NRG1: variants seen among roughly 807,000 people sequenced by gnomAD.
NRG1 encodes the protein neuregulin 1, also known as pro-neuregulin-1, membrane-bound isoform.
In NRG1, 18 loss-of-function variants were observed where a neutral mutation model predicts 63.8. That is an observed-to-expected ratio of 0.28 (90% CI 0.19 to 0.42). The LOEUF (loss-of-function observed/expected upper bound fraction) is 0.42, where lower values mean the gene tolerates loss of function less well. Ranked by LOEUF, NRG1 falls within the 10% of genes least tolerant of loss-of-function variation. NRG1 has a pLI of 1.00. For synonymous variants in NRG1, 302 were observed against 301.3 expected (o/e 1.00, Z -0.02); for missense variants, 762 against 814.7 (o/e 0.94, Z 0.79).
intron 1 of NRG1, among the ~76,000 whole-genome samples, chr8:31,865,466 G>A (rs1042982349): frequency 3.9e-5 from 6 of 152,058 alleles, no homozygotes; most frequent in African/African-American, 1.4e-4. Flanking sequence ...TCCCACCCAA[G>A]TCTCATCTTG....
chr8:31,920,481 G>A (rs944129745), intron 1 of NRG1, among the ~76,000 whole-genome samples: 1 of 152,068 alleles, frequency 6.6e-6, no homozygotes. Context: ...TGTCTGGCAT[G>A]GTTTCATTGC....
chr8:32,248,932 G>A (rs558115336), intron 1 of NRG1, among the ~76,000 whole-genome samples: 41 of 151,934 alleles, frequency 2.7e-4, no homozygotes, highest in Non-Finnish European at 5.1e-4. Context: ...TAGATTTTGT[G>A]AACTTGAATT....
At chr8:32,718,302 T>G (rs1819758113) in intron 5 of NRG1, among the ~76,000 whole-genome samples, 1 of 152,170 alleles carries the variant, frequency 6.6e-6, no homozygotes, top group Non-Finnish European at 1.5e-5. Flanking sequence ...ACAAAGGAAC[T>G]CCAGCAGTTA....
At chr8:31,727,612 T>C (rs1267374531) in intron 1 of NRG1, among the ~76,000 whole-genome samples, 1 of 152,148 alleles carries the variant, frequency 6.6e-6, no homozygotes, top group East Asian at 1.9e-4. Context: ...CTGTAGTCAA[T>C]TACACTATAT....
chr8:31,729,680 A>G (rs1027045059), intron 1 of NRG1, among the ~76,000 whole-genome samples: 1 of 152,160 alleles, frequency 6.6e-6, no homozygotes, highest in Non-Finnish European at 1.5e-5. Flanking sequence ...TATTTAAGAC[A>G]GTTTATCAGA....
At chr8:31,704,911 C>A (rs1810993048) in intron 1 of NRG1, among the ~76,000 whole-genome samples, 1 of 151,306 alleles carries the variant, frequency 6.6e-6, no homozygotes, top group Non-Finnish European at 1.5e-5. Context: ...TTTAACTCAC[C>A]AAAAGTAGAT....
At chr8:32,490,389 C>T (rs949408095) in intron 1 of NRG1, among the ~76,000 whole-genome samples, 5 of 151,860 alleles carry the variant, frequency 3.3e-5, no homozygotes, top group Non-Finnish European at 4.4e-5. Flanking sequence ...TTAACAAGGC[C>T]TCCATGCAAT....
chr8:32,095,734 A>G (rs914978541), intron 1 of NRG1, among the ~76,000 whole-genome samples: 2 of 152,204 alleles, frequency 1.3e-5, no homozygotes, highest in Admixed American at 6.5e-5. Flanking sequence ...TCTTGGATAT[A>G]GTAATATCAA....
At chr8:32,234,980 C>G (rs1847382401) in intron 1 of NRG1, among the ~76,000 whole-genome samples, 1 of 152,008 alleles carries the variant, frequency 6.6e-6, no homozygotes, top group Admixed American at 6.6e-5. Context: ...AGTCTTAGAA[C>G]CATTCAAGCA....
chr8:32,346,133 A>C (rs1241943017), intron 1 of NRG1, among the ~76,000 whole-genome samples: 1 of 147,422 alleles, frequency 6.8e-6, no homozygotes, highest in African/African-American at 2.5e-5. Flanking sequence ...ATTTATATAA[A>C]TTATATACCT....
chr8:32,290,681 G>A (rs193003028), intron 1 of NRG1, among the ~76,000 whole-genome samples: 3 of 152,164 alleles, frequency 2.0e-5, no homozygotes, highest in Admixed American at 6.5e-5. Flanking sequence ...ACCTTCTGCC[G>A]ACCCACAGAA....
At chr8:32,160,759 A>G (rs1838734855) in intron 1 of NRG1, among the ~76,000 whole-genome samples, 1 of 152,224 alleles carries the variant, frequency 6.6e-6, no homozygotes, top group South Asian at 2.1e-4. Context: ...ACATTATTAA[A>G]ATGTATTAAA....
chr8:32,040,012 A>T (rs575279217), intron 1 of NRG1, among the ~76,000 whole-genome samples: 4 of 152,262 alleles, frequency 2.6e-5, no homozygotes, highest in African/African-American at 9.6e-5. Flanking sequence ...ACAGAGCCAG[A>T]TCCTGTCTCA....
chr8:31,809,211 T>C (rs866999754), intron 1 of NRG1, among the ~76,000 whole-genome samples: 1 of 151,524 alleles, frequency 6.6e-6, no homozygotes. Flanking sequence ...TTCTTGGAGT[T>C]TTGAAATGTC....
chr8:31,816,482 A>G (rs1301252503), intron 1 of NRG1, among the ~76,000 whole-genome samples: 1 of 152,208 alleles, frequency 6.6e-6, no homozygotes, highest in African/African-American at 2.4e-5. Flanking sequence ...AACATTTAGA[A>G]ACACTTACAA....
At position 31,937,425 on chromosome 8, in the gene NRG1, A is replaced by C. The variant is rs528059504; in HGVS notation, c.37+297994A>C. ...TAAATAATAAAAGATTTTAAGTATT[A>C]GGGATGACTTGCAAAATCTCAGAGG... On this transcript the variant is annotated intron_variant, in intron 1 of 10. Coordinates refer to the NRG1 transcript ENST00000519301. 3.3e-5 allele frequency among the ~76,000 whole-genome samples: 5 copies of C among 152,370 alleles called. No individual in the cohort carries two copies. In the South Asian group the frequency reaches 1.0e-3, roughly 32 times the overall value.
chr8:32,415,587 G>A (rs1009046290), intron 1 of NRG1, among the ~76,000 whole-genome samples: 1 of 152,066 alleles, frequency 6.6e-6, no homozygotes, highest in African/African-American at 2.4e-5. Context: ...CTCTGGTAGA[G>A]AAGAGGAAAA....
At chr8:32,428,095 T>A (rs1447150289) in intron 1 of NRG1, among the ~76,000 whole-genome samples, 1 of 152,314 alleles carries the variant, frequency 6.6e-6, no homozygotes, top group East Asian at 1.9e-4. Context: ...TCTCTTCTCA[T>A]ATTGATGTTC....
chr8:32,772,047 A>G (rs1216533932), downstream of NRG1, among the ~76,000 whole-genome samples: 2 of 1,834 alleles, frequency 1.1e-3, no homozygotes, highest in Admixed American at 5.6e-3. Flanking sequence ...ATATGTATAT[A>G]TATATATATA....
Sources: allele counts gnomAD v4.1 joint callset (sites outside exome capture counted in the v4.1 genomes callset), GRCh38; gene constraint gnomAD v4.1.1; transcripts MANE v1.5; gene names NCBI Gene and HGNC (gene_info 2026-07-23, HGNC 2026-07-21).